SLC41A3: variants seen among roughly 807,000 people sequenced by gnomAD.
SLC41A3 encodes the protein solute carrier family 41 member 3.
Under a neutral mutation model 45.4 loss-of-function variants are expected in SLC41A3, and 44 were observed. That is an observed-to-expected ratio of 0.97 (90% confidence interval 0.76 to 1.25). The LOEUF (loss-of-function observed/expected upper bound fraction) is 1.25, where lower values mean the gene tolerates loss of function less well. Ranked by LOEUF, SLC41A3 falls within the 50% of genes most tolerant of loss-of-function variation. The probability of loss-of-function intolerance (pLI) is 0.00; values close to 1 mark genes in which losing one functional copy is unlikely to be tolerated. For missense variants in SLC41A3, 550 were observed against 600.6 expected (o/e 0.92, Z 0.88); for synonymous variants, 256 against 252.4 (o/e 1.01, Z -0.13).
intron 3 of SLC41A3, 82 bp from the exon 4 acceptor site, chr3:126,033,760 A>T (rs752607670): frequency 4.2e-6 from 6 of 1,420,922 alleles, no homozygotes; most frequent in Non-Finnish European, 5.8e-6. Flanking sequence ...GCAGTCTCTC[A>T]GGGAAGAAAT....
rs1362652114 is a variant in SLC41A3, at chr3:126,016,747, C to T, written c.874G>A (p.Ala292Thr). 6.2e-7 allele frequency: 1 copy of T among 1,610,784 alleles called. No individual in the cohort carries two copies. Among genetic ancestry groups the T allele is most frequent in the Non-Finnish European group, 8.5e-7 (1 of 1,178,778 alleles). Residue 292 changes from alanine (A) to threonine (T), a missense_variant, in exon 7 of 11, where the codon GCC (alanine) becomes ACC (threonine). By Grantham distance (58) the Ala-to-Thr change is moderately conservative. Transcript: ENST00000360370. ...CCTGCTCACCTGCTGATGACCATGG[C>T]CAGGATGATTGGGAACCAGCCAAAC... ...LKFGWFPIIL[A>T]MVISSFGGLI...
chr3:126,039,997 G>A (rs969169924), intron 3 of SLC41A3, among the ~76,000 whole-genome samples: 1 of 92,552 alleles, frequency 1.1e-5, no homozygotes, highest in Non-Finnish European at 2.1e-5. Context: ...AGCTTCCTTA[G>A]GAAAATGGCT....
chr3:126,018,743 G>A (rs763085349), intron 6 of SLC41A3, among the ~76,000 whole-genome samples: 3 of 152,288 alleles, frequency 2.0e-5, no homozygotes, highest in African/African-American at 2.4e-5. Context: ...CAGTGTGGCC[G>A]ACCAGCCTCA....
intron 1 of SLC41A3, among the ~76,000 whole-genome samples, chr3:126,101,216 G>C (rs1204587087): frequency 2.0e-5 from 3 of 152,236 alleles, no homozygotes; most frequent in Non-Finnish European, 4.4e-5. Flanking sequence ...CCCCCCTTCA[G>C]GGTGCATGTT....
chr3:126,091,247 A>G, intron 1 of SLC41A3, among the ~76,000 whole-genome samples: 1 of 152,212 alleles, frequency 6.6e-6, no homozygotes, highest in East Asian at 1.9e-4. Flanking sequence ...ATCAGTTAGA[A>G]GCTTATTTTG....
chr3:126,026,878 C>T lies in SLC41A3; in HGVS notation c.454-399G>A, dbSNP rs531267715. On this transcript the variant is annotated intron_variant, in intron 4 of 10. Coordinates refer to ENST00000360370, the MANE Select transcript of SLC41A3 (RefSeq NM_017836.4). This position sits in a 1 kb window ranked among gnomAD's most constrained non-coding sequence, Gnocchi z 4.2. ...CTCACTTGCCATGTGGTGTACCCCA[C>T]GACACAGAGCAGTCACACGGGAGGA... 6.6e-5 allele frequency among the ~76,000 whole-genome samples: 10 copies of T among 152,262 alleles called. No individual in the cohort carries two copies. Among genetic ancestry groups the T allele is most frequent in the South Asian group, 2.1e-4 (1 of 4,824 alleles).
At chr3:126,079,521 A>C (rs1038687224) in intron 1 of SLC41A3, among the ~76,000 whole-genome samples, 2 of 152,210 alleles carry the variant, frequency 1.3e-5, no homozygotes, top group African/African-American at 4.8e-5. Flanking sequence ...GGATGGGAAC[A>C]AGAGCTCAGC....
At chr3:126,013,662 C>T (rs1256672162) in intron 8 of SLC41A3, among the ~76,000 whole-genome samples, 2 of 152,110 alleles carry the variant, frequency 1.3e-5, no homozygotes, top group African/African-American at 4.8e-5. Context: ...CCTGGGACAC[C>T]TCTCATGGCT....
chr3:126,046,961 CAAAA>C (rs36095026), intron 3 of SLC41A3, among the ~76,000 whole-genome samples: 2 of 81,226 alleles, frequency 2.5e-5, no homozygotes, highest in Admixed American at 1.4e-4. Flanking sequence ...AACTCCATCT[CAAAA>C]AAAAAAAAAA....
At chr3:126,099,215 T>C (rs1945662803) in intron 1 of SLC41A3, among the ~76,000 whole-genome samples, 1 of 152,180 alleles carries the variant, frequency 6.6e-6, no homozygotes, top group Admixed American at 6.5e-5. Flanking sequence ...TCTGAGCTCC[T>C]GTGAGTAAAA....
intron 1 of SLC41A3, among the ~76,000 whole-genome samples, chr3:126,097,262 G>A (rs1379370420): frequency 6.6e-6 from 1 of 152,084 alleles, no homozygotes; most frequent in Non-Finnish European, 1.5e-5. Context: ...AGTGGAGTGT[G>A]CCCCCGGAAG....
At chr3:126,051,650 T>C (rs1458092933) in intron 2 of SLC41A3, among the ~76,000 whole-genome samples, 2 of 152,048 alleles carry the variant, frequency 1.3e-5, no homozygotes, top group African/African-American at 4.8e-5. Context: ...TCAAGGAAAA[T>C]GGAAGAGAAA....
chr3:126,062,522 C>T (rs1400336040), intron 2 of SLC41A3, among the ~76,000 whole-genome samples: 2 of 152,186 alleles, frequency 1.3e-5, no homozygotes, highest in Non-Finnish European at 2.9e-5. Flanking sequence ...TGCCCTCCTC[C>T]GCAGAGGCTC....
chr3:126,016,473 C>A (rs940218073), intron 7 of SLC41A3, among the ~76,000 whole-genome samples: 1 of 152,270 alleles, frequency 6.6e-6, no homozygotes, highest in African/African-American at 2.4e-5. Context: ...CCAGCTTTGG[C>A]TCTTCCTGGG....
At chr3:126,090,515 G>A (rs1945469835) in intron 1 of SLC41A3, among the ~76,000 whole-genome samples, 1 of 152,170 alleles carries the variant, frequency 6.6e-6, no homozygotes, top group Non-Finnish European at 1.5e-5. Flanking sequence ...ATCCTATAGA[G>A]AGTACCAGGT....
At chr3:126,011,908 A>C (rs1239443211) in intron 9 of SLC41A3, among the ~76,000 whole-genome samples, 1 of 152,218 alleles carries the variant, frequency 6.6e-6, no homozygotes, top group African/African-American at 2.4e-5. Flanking sequence ...ACAATGTAAC[A>C]GGAAAGAAGA....
chr3:126,049,169 C>G (rs146386094), intron 3 of SLC41A3, among the ~76,000 whole-genome samples: 1 of 152,072 alleles, frequency 6.6e-6, no homozygotes, highest in Admixed American at 6.5e-5. Context: ...CACTGAGATA[C>G]GATCGTTGTA....
Position 126,026,398 on chromosome 3 carries a change from C to T in SLC41A3, c.535G>A (p.Ala179Thr), listed in dbSNP as rs149555129. Residue 179 changes from alanine to threonine, a missense_variant, in exon 5 of 11, where the codon GCC (alanine) becomes ACC (threonine). Ala to Thr is a moderately conservative substitution (Grantham distance 58, BLOSUM62 0). Transcript: ENST00000360370. The surrounding 1 kb of genome is among the most constrained non-coding windows in gnomAD (Gnocchi z 4.2). ...CTGGCACACAGCAACTCCACCTTGGCGACATCCACTTCCTCTCGAGACACC... is the reference window on the plus strand; with the variant it reads ...CTGGCACACAGCAACTCCACCTTGGTGACATCCACTTCCTCTCGAGACACC... ...GVVSREEVDV[A>T]KVELLCASSV... is the part of the protein sequence containing the mutation. The T allele has an allele frequency of 2.4e-5, 38 of 1,589,438 alleles. No homozygotes were observed. The highest frequency in any genetic ancestry group is 1.8e-5 in the Admixed American group (1 of 56,756).
chr3:126,044,837 A>C (rs1942844145), intron 3 of SLC41A3, among the ~76,000 whole-genome samples: 1 of 142,928 alleles, frequency 7.0e-6, no homozygotes, highest in African/African-American at 2.7e-5. Context: ...CGGAGCTTGC[A>C]GTGAGCCAAG....
Sources: allele counts gnomAD v4.1 joint callset (sites outside exome capture counted in the v4.1 genomes callset), GRCh38; gene constraint gnomAD v4.1.1; non-coding constraint Gnocchi (gnomAD v3.1); transcripts MANE v1.5; gene names NCBI Gene and HGNC (gene_info 2026-07-23, HGNC 2026-07-21).